BANK1: variants seen among roughly 807,000 people sequenced by gnomAD.
BANK1 encodes B-cell scaffold protein with ankyrin repeats.
In BANK1, 95 loss-of-function variants were observed where a neutral mutation model predicts 94.5. The observed-to-expected ratio is 1.00, with a 90% CI of 0.85 to 1.19. The LOEUF (loss-of-function observed/expected upper bound fraction) is 1.19. BANK1 is among the 50% of genes most tolerant of loss of function. The probability of loss-of-function intolerance (pLI) is 0.00; values close to 1 mark genes in which losing one functional copy is unlikely to be tolerated. For synonymous variants in BANK1, 334 were observed against 308.4 expected (o/e 1.08, Z -0.87); for missense variants, 987 against 932.2 (o/e 1.06, Z -0.77).
chr4:101,857,710 CT>C (rs1181323568), intron 3 of BANK1, among the ~76,000 whole-genome samples: 1 of 152,094 alleles, frequency 6.6e-6, no homozygotes, highest in South Asian at 2.1e-4. Flanking sequence ...ATTTCTTTAA[CT>C]TTTTTTCCCC....
At chr4:101,935,753 A>G (rs1227708389) in intron 7 of BANK1, among the ~76,000 whole-genome samples, 1 of 151,558 alleles carries the variant, frequency 6.6e-6, no homozygotes, top group Non-Finnish European at 1.5e-5. Context: ...TACCAGAAAT[A>G]AATCCATACA....
At chr4:102,032,040 A>G (rs1333884818) in intron 10 of BANK1, among the ~76,000 whole-genome samples, 4 of 152,242 alleles carry the variant, frequency 2.6e-5, no homozygotes, top group African/African-American at 9.6e-5. Flanking sequence ...AAGTCAGGGA[A>G]TGAACTTTTG....
intron 6 of BANK1, among the ~76,000 whole-genome samples, chr4:101,898,629 A>C (rs1722172400): frequency 6.6e-6 from 1 of 152,116 alleles, no homozygotes; most frequent in African/African-American, 2.4e-5. Context: ...AATTACCTGC[A>C]GATACCTATG....
intron 7 of BANK1, among the ~76,000 whole-genome samples, chr4:102,015,063 C>G (rs1170055096): frequency 6.6e-6 from 1 of 152,040 alleles, no homozygotes; most frequent in African/African-American, 2.4e-5. Flanking sequence ...TTCTCACCAT[C>G]CAACTTCATT....
At chr4:101,979,048 G>T (rs1278207795) in intron 7 of BANK1, among the ~76,000 whole-genome samples, 1 of 151,916 alleles carries the variant, frequency 6.6e-6, no homozygotes. Context: ...AAAGAGTATA[G>T]GACATGCATA....
chr4:101,927,807 G>A (rs1435713645), intron 7 of BANK1, among the ~76,000 whole-genome samples: 1 of 151,654 alleles, frequency 6.6e-6, no homozygotes, highest in Admixed American at 6.6e-5. Context: ...CTTGGGACAC[G>A]TTAAATTTGA....
At chr4:102,067,323 G>T (rs575481052) in intron 13 of BANK1, among the ~76,000 whole-genome samples, 1 of 152,176 alleles carries the variant, frequency 6.6e-6, no homozygotes, top group South Asian at 2.1e-4. Flanking sequence ...TTATATTAAA[G>T]GTGACTGAAT....
intron 5 of BANK1, among the ~76,000 whole-genome samples, chr4:101,892,641 TTAAC>T (rs1721919561): frequency 6.6e-6 from 1 of 151,930 alleles, no homozygotes; most frequent in Admixed American, 6.6e-5. Flanking sequence ...ATCAAGTTCA[TTAAC>T]TAAAGTCTTA....
Position 102,073,668 on chromosome 4 carries a change from C to G in BANK1, c.2299-16C>G. ...AAATCGAGAAATACTAGCTCTATAT[C>G]TTTATTTTTTTTCAGCTTCCTGCTC... is the stretch of plus-strand genomic sequence containing the variant. On this transcript the variant is annotated splice_polypyrimidine_tract_variant and intron_variant, in intron 15 of 16. Transcript: ENST00000322953. 1 of 1,607,850 alleles carries G rather than the reference C, an allele frequency of 6.2e-7. No individual in the cohort carries two copies. Among genetic ancestry groups the G allele is most frequent in the Non-Finnish European group, 8.5e-7 (1 of 1,176,460 alleles).
chr4:101,999,848 T>C (rs1726001865), intron 7 of BANK1, among the ~76,000 whole-genome samples: 1 of 152,258 alleles, frequency 6.6e-6, no homozygotes, highest in South Asian at 2.1e-4. Flanking sequence ...AAGCTATTGA[T>C]ATAGCATGTA....
At chr4:102,002,664 C>G (rs1214701705) in intron 7 of BANK1, among the ~76,000 whole-genome samples, 1 of 152,080 alleles carries the variant, frequency 6.6e-6, no homozygotes, top group African/African-American at 2.4e-5. Flanking sequence ...ACCTATAACT[C>G]ACAGAGCTTC....
At chr4:101,807,988 G>A (rs1382578840) in intron 1 of BANK1, among the ~76,000 whole-genome samples, 4 of 151,726 alleles carry the variant, frequency 2.6e-5, no homozygotes, top group African/African-American at 9.7e-5. Flanking sequence ...GGGAGAGTGA[G>A]GCAGGAGAAT....
At chr4:101,810,874 T>G (rs1389307059) in intron 1 of BANK1, among the ~76,000 whole-genome samples, 1 of 152,192 alleles carries the variant, frequency 6.6e-6, no homozygotes, top group Non-Finnish European at 1.5e-5. Context: ...ATTTACTGCA[T>G]TTTGGTAGCC....
At chr4:101,889,604 CAAAA>C (rs59341810) in intron 5 of BANK1, among the ~76,000 whole-genome samples, 5 of 54,926 alleles carry the variant, frequency 9.1e-5, no homozygotes, top group East Asian at 6.0e-4. Flanking sequence ...GACTCCGTCT[CAAAA>C]AAAAAAAAAA....
intron 8 of BANK1, among the ~76,000 whole-genome samples, 167 bp from the exon 9 acceptor site, chr4:102,025,034 A>G (rs1390641381): frequency 6.6e-6 from 1 of 152,358 alleles, no homozygotes; most frequent in East Asian, 1.9e-4. Flanking sequence ...TTAAAAACCC[A>G]GAAATAAATG....
At chr4:101,916,951 C>T (rs553341071) in intron 6 of BANK1, among the ~76,000 whole-genome samples, 2 of 151,914 alleles carry the variant, frequency 1.3e-5, no homozygotes, top group South Asian at 2.1e-4. Context: ...ACATGCTAAA[C>T]GTTTATTGTA....
intron 7 of BANK1, among the ~76,000 whole-genome samples, chr4:102,010,036 G>A (rs1364570381): frequency 2.6e-5 from 4 of 152,186 alleles, no homozygotes; most frequent in South Asian, 2.1e-4. Context: ...GGAGGCTAAG[G>A]TGGGCAGATC....
At chr4:101,946,500 T>C (rs1419785946) in intron 7 of BANK1, among the ~76,000 whole-genome samples, 1 of 152,016 alleles carries the variant, frequency 6.6e-6, no homozygotes. Context: ...CATGCACTAA[T>C]ATTAGCAGAC....
chr4:101,965,237 A>G (rs528247966), intron 7 of BANK1, among the ~76,000 whole-genome samples: 18 of 151,944 alleles, frequency 1.2e-4, no homozygotes, highest in Admixed American at 2.6e-4. Context: ...AAAAACAGAA[A>G]GAATTTTCGA....
Sources: gnomAD v4.1 joint callset for allele counts (sites outside exome capture counted in the v4.1 genomes callset) on GRCh38, gnomAD v4.1.1 for gene constraint, MANE v1.5 for transcripts, NCBI Gene and HGNC (gene_info 2026-07-23, HGNC 2026-07-21) for gene names.